Variants in SPMIP2 observed in about 807,000 individuals in gnomAD.
SPMIP2 encodes the protein protein SPMIP2.
At chr4:158,932,761 A>G in the SPMIP2 span, among the ~76,000 whole-genome samples, 2 of 152,188 alleles carry the variant, frequency 1.3e-5, no homozygotes, top group Non-Finnish European at 2.9e-5. Flanking sequence ...CTTCTCAAAG[A>G]GCTTCAAATC....
the SPMIP2 span, among the ~76,000 whole-genome samples, chr4:159,020,410 G>A: frequency 3.9e-5 from 6 of 152,106 alleles, no homozygotes; most frequent in Non-Finnish European, 5.9e-5. Context: ...TGACGGTTAT[G>A]GTAGAAGTTG....
At chr4:159,051,159 T>C in the SPMIP2 span, among the ~76,000 whole-genome samples, 1 of 152,142 alleles carries the variant, frequency 6.6e-6, no homozygotes, top group Non-Finnish European at 1.5e-5. Flanking sequence ...GTGCTATTCT[T>C]TGCATTTTCT....
chr4:159,017,130 GGA>G, the SPMIP2 span, among the ~76,000 whole-genome samples: 4 of 152,084 alleles, frequency 2.6e-5, no homozygotes, highest in African/African-American at 9.7e-5. Context: ...AAAGGAAAAA[GGA>G]CTCCTTCCCT....
At chr4:159,064,753 A>C in the SPMIP2 span, among the ~76,000 whole-genome samples, 1 of 152,148 alleles carries the variant, frequency 6.6e-6, no homozygotes, top group African/African-American at 2.4e-5. Context: ...GCATATATTT[A>C]TATGTTTTTA....
chr4:158,964,737 T>TG, the SPMIP2 span, among the ~76,000 whole-genome samples: 4 of 152,214 alleles, frequency 2.6e-5, no homozygotes, highest in Non-Finnish European at 5.9e-5. Context: ...GGAAAGAGGT[T>TG]TAATTGACTC....
the SPMIP2 span, chr4:158,908,117 T>G: frequency 6.6e-6 from 1 of 152,212 alleles, no homozygotes; most frequent in African/African-American, 2.4e-5. Context: ...TTCTAATAAT[T>G]CGTGCTGAAA....
At chr4:158,997,127 C>A in the SPMIP2 span, among the ~76,000 whole-genome samples, 6 of 152,158 alleles carry the variant, frequency 3.9e-5, no homozygotes, top group Non-Finnish European at 8.8e-5. Flanking sequence ...ACTTTTAAGA[C>A]CACATGAAAT....
the SPMIP2 span, among the ~76,000 whole-genome samples, chr4:158,993,153 G>A: frequency 6.6e-6 from 1 of 151,900 alleles, no homozygotes; most frequent in East Asian, 1.9e-4. Flanking sequence ...TGGAGTGTAG[G>A]AGTCTGAGAC....
chr4:159,027,653 T>G, the SPMIP2 span, among the ~76,000 whole-genome samples: 1 of 152,216 alleles, frequency 6.6e-6, no homozygotes, highest in African/African-American at 2.4e-5. Context: ...TTTTATTATT[T>G]CTTCAAACAG....
chr4:159,053,922 A>C, the SPMIP2 span, among the ~76,000 whole-genome samples: 1,282 of 67,874 alleles, frequency 0.019, 23 homozygotes, highest in African/African-American at 0.062. Context: ...TTGTCTCAAA[A>C]AAAAAAAAAG....
At chr4:158,964,167 CAAAACA>C in the SPMIP2 span, among the ~76,000 whole-genome samples, 122 of 52,228 alleles carry the variant, frequency 2.3e-3, 2 homozygotes, top group African/African-American at 5.0e-3. Flanking sequence ...CAAAACAAAA[CAAAACA>C]AAACAAAACA....
At chr4:158,926,185 TTATC>T in the SPMIP2 span, among the ~76,000 whole-genome samples, 4 of 152,330 alleles carry the variant, frequency 2.6e-5, no homozygotes, top group South Asian at 2.1e-4. Context: ...TTTCTATTCT[TTATC>T]TATTTTTATT....
At chr4:159,055,196 G>C in the SPMIP2 span, among the ~76,000 whole-genome samples, 1 of 152,192 alleles carries the variant, frequency 6.6e-6, no homozygotes, top group African/African-American at 2.4e-5. Context: ...GACAGGAAAA[G>C]CATGTATTGA....
the SPMIP2 span, chr4:159,035,167 A>C: frequency 7.8e-7 from 1 of 1,287,778 alleles, no homozygotes; most frequent in South Asian, 1.3e-5. Flanking sequence ...TGCACCAGAA[A>C]GAACGAAAGA....
the SPMIP2 span, among the ~76,000 whole-genome samples, chr4:159,056,401 C>T: frequency 4.0e-5 from 6 of 151,850 alleles, no homozygotes; most frequent in African/African-American, 1.2e-4. Flanking sequence ...TGTGGAATGT[C>T]AGTGCATATA....
At chr4:159,064,983 C>T in the SPMIP2 span, among the ~76,000 whole-genome samples, 1 of 152,210 alleles carries the variant, frequency 6.6e-6, no homozygotes, top group South Asian at 2.1e-4. Flanking sequence ...ATTAGTAATG[C>T]ATGCAGTTAT....
At chr4:159,008,737 G>A in the SPMIP2 span, among the ~76,000 whole-genome samples, 3 of 152,188 alleles carry the variant, frequency 2.0e-5, no homozygotes, top group African/African-American at 4.8e-5. Context: ...TGGATCAGAT[G>A]TTGACTATTC....
chr4:158,995,235 G>GT, the SPMIP2 span, among the ~76,000 whole-genome samples: 3 of 151,972 alleles, frequency 2.0e-5, no homozygotes, highest in African/African-American at 4.8e-5. Flanking sequence ...TATTCTTTTT[G>GT]TTTTTTTGTA....
chr4:159,052,630 ATT>A, the SPMIP2 span, among the ~76,000 whole-genome samples: 1 of 150,326 alleles, frequency 6.7e-6, no homozygotes, highest in Admixed American at 6.6e-5. Context: ...TATTATTATT[ATT>A]TTATTATTAT....
Sources: gnomAD v4.1 joint callset for allele counts (sites outside exome capture counted in the v4.1 genomes callset) on GRCh38, gnomAD v4.1.1 for gene constraint, MANE v1.5 for transcripts, NCBI Gene and HGNC (gene_info 2026-07-23, HGNC 2026-07-21) for gene names.